The following CYP4B1 variants were observed in gnomAD, a reference collection of about 807,000 sequenced individuals.
CYP4B1 encodes cytochrome P450 family 4 subfamily B member 1, also known as cytochrome P450 4B1.
In CYP4B1, 45 loss-of-function variants were observed where a neutral mutation model predicts 54.0. The observed-to-expected ratio is 0.83, with a 90% CI of 0.66 to 1.07. The LOEUF (loss-of-function observed/expected upper bound fraction) is 1.07. Among genes scored for constraint, CYP4B1 ranks in the 50% least tolerant of loss-of-function variants. The pLI is 0.00. For synonymous variants in CYP4B1, 248 were observed against 247.5 expected (o/e 1.00, Z -0.02); for missense variants, 656 against 655.4 (o/e 1.00, Z -0.01).
At chr1:46,804,668 T>C (rs570785350) in intron 1 of CYP4B1, among the ~76,000 whole-genome samples, 2 of 152,180 alleles carry the variant, frequency 1.3e-5, no homozygotes, top group Admixed American at 1.3e-4. Flanking sequence ...CCTTCAGGTC[T>C]GCCAGCTGAC....
chr1:46,807,636 T>C (rs886940506), intron 1 of CYP4B1, among the ~76,000 whole-genome samples: 2 of 152,232 alleles, frequency 1.3e-5, no homozygotes, highest in Non-Finnish European at 2.9e-5. Context: ...CTTTTTGACA[T>C]CGTGTACTCA....
Position 46,813,592 on chromosome 1 carries a change from C to T in CYP4B1, c.606C>T (p.Thr202=), listed in dbSNP as rs750362586. ...AGTGCACCTTTGGAAGAGGAGACAC[C>T]GGCCTGGGCCACAGGTCAGGAGCCA... ...LMKCTFGRGD[T]GLGHSRDSSY... The change falls in exon 5 of 12, where the codon ACC becomes ACT. Residue 202 remains threonine (T), a synonymous_variant. Transcript: ENST00000371923. The T allele has an allele frequency of 2.2e-5, 35 of 1,613,864 alleles. No homozygotes were observed. Among genetic ancestry groups the T allele is most frequent in the East Asian group, 8.9e-5 (4 of 44,878 alleles).
chr1:46,808,214 C>T (rs932412976), intron 1 of CYP4B1, among the ~76,000 whole-genome samples: 10 of 152,204 alleles, frequency 6.6e-5, no homozygotes, highest in Admixed American at 2.6e-4. Context: ...CCTGAGGAAT[C>T]GCCACACTGA....
chr1:46,802,653 A>G (rs1321880333), intron 1 of CYP4B1, among the ~76,000 whole-genome samples: 2 of 152,230 alleles, frequency 1.3e-5, no homozygotes, highest in African/African-American at 2.4e-5. Flanking sequence ...CTAAGCAACC[A>G]GCAGTGTCTG....
intron 2 of CYP4B1, 70 bp from the exon 3 acceptor site, chr1:46,811,070 A>T: frequency 3.7e-6 from 6 of 1,605,278 alleles, no homozygotes; most frequent in South Asian, 3.3e-5. Flanking sequence ...TGAGGTTCCC[A>T]CCCTACTCAT....
intron 3 of CYP4B1, 169 bp from the exon 4 acceptor site, chr1:46,812,327 C>T: frequency 1.3e-6 from 1 of 751,828 alleles, no homozygotes; most frequent in Admixed American, 2.0e-5. Context: ...CCACCTGTCT[C>T]CTGAGGTCCT....
chr1:46,818,236 AG>A (rs1679418838), intron 11 of CYP4B1, 23 bp downstream of exon 11: 3 of 1,605,034 alleles, frequency 1.9e-6, no homozygotes, highest in African/African-American at 1.3e-5. Flanking sequence ...CCAGTATCCC[AG>A]GCCCTCAGGA....
intron 1 of CYP4B1, among the ~76,000 whole-genome samples, chr1:46,805,915 G>A (rs1354982021): frequency 6.6e-6 from 1 of 152,128 alleles, no homozygotes; most frequent in African/African-American, 2.4e-5. Context: ...GGCACCTAAG[G>A]GTGTCCATCC....
chr1:46,814,998 C>A, intron 7 of CYP4B1, 76 bp from the exon 8 acceptor site: 1 of 1,356,914 alleles, frequency 7.4e-7, no homozygotes, highest in South Asian at 1.2e-5. Flanking sequence ...CTTCATTTGA[C>A]AACCACCATT....
intron 4 of CYP4B1, 50 bp from the exon 5 acceptor site, chr1:46,813,432 C>A: frequency 6.2e-7 from 1 of 1,612,866 alleles, no homozygotes; most frequent in Non-Finnish European, 8.5e-7. Context: ...TCCAGCCCAA[C>A]TAACCCCTGC....
chr1:46,817,238 C>T, intron 9 of CYP4B1, 57 bp downstream of exon 9: 2 of 1,601,406 alleles, frequency 1.2e-6, no homozygotes, highest in Admixed American at 1.7e-5. Flanking sequence ...CTCTGGCACC[C>T]TCTGTGCCTT....
At position 46,799,105 on chromosome 1, in the gene CYP4B1, G is replaced by A. The variant is rs769906289; in HGVS notation, c.24G>A (p.Leu8=). 11 of 1,614,044 alleles carry A rather than the reference G, an allele frequency of 6.8e-6. No individual in the cohort carries two copies. The highest frequency in any genetic ancestry group is 9.3e-6 in the Non-Finnish European group (11 of 1,179,990). The change falls in exon 1 of 12, where the codon CTG becomes CTA. Residue 8 remains leucine (L), a synonymous_variant. Transcript: ENST00000371923. MVPSFLS[L]SFSSLGLWAS... ...CCATGGTGCCCAGCTTCCTCTCCCT[G>A]AGCTTCTCCTCCTTGGGCCTGTGGG...
chr1:46,813,848 T>C, intron 5 of CYP4B1, 61 bp from the exon 6 acceptor site: 2 of 1,583,514 alleles, frequency 1.3e-6, no homozygotes, highest in South Asian at 2.3e-5. Flanking sequence ...GGAATGGAGT[T>C]TCTCTGGCTC....
In CYP4B1 at chr1:46,818,812, T is replaced by C; in HGVS notation, c.1537T>C (p.Ter513GlnextTer2). ...LKPLGPGSGK[*>Q] ...GCCACTGGGCCCTGGGTCTGGGAAG[T>C]AGCTCTGATGAGAATGGGGTCCCAG... The change falls in exon 12 of 12, where the codon TAG becomes CAG. Residue 513 changes from the stop codon to glutamine (Q), a stop_lost. Transcript: ENST00000371923. 1 of 1,614,076 alleles carries C rather than the reference T, an allele frequency of 6.2e-7. No individual in the cohort carries two copies. The highest frequency in any genetic ancestry group is 8.5e-7 in the Non-Finnish European group (1 of 1,179,976).
rs1475950256 is a variant in CYP4B1, at chr1:46,799,144, C to T, written c.63C>T (p.Ile21=). The T allele has an allele frequency of 3.7e-6, 6 of 1,613,798 alleles. No individual in the cohort carries two copies. Among genetic ancestry groups the T allele is most frequent in the Non-Finnish European group, 5.1e-6 (6 of 1,179,952 alleles). Residue 21 remains isoleucine, a synonymous_variant, in exon 1 of 12, where the codon ATC becomes ATT. Coordinates refer to ENST00000371923, the MANE Select transcript of CYP4B1 (RefSeq NM_001099772.2). ...SSLGLWASGL[I]LVLGFLKLIH... is the part of the protein sequence containing the mutation. Reference sequence around the variant, plus strand: ...TGGGCCTGTGGGCTTCTGGGCTGATCTTGGTCTTAGGCTTTCTCAAGCTCA... The same window carrying T: ...TGGGCCTGTGGGCTTCTGGGCTGATTTTGGTCTTAGGCTTTCTCAAGCTCA...
intron 1 of CYP4B1, among the ~76,000 whole-genome samples, chr1:46,802,712 T>A (rs1678707887): frequency 6.6e-6 from 1 of 152,138 alleles, no homozygotes; most frequent in South Asian, 2.1e-4. Flanking sequence ...GGATGAAGAA[T>A]CAAGACAAAG....
intron 1 of CYP4B1, among the ~76,000 whole-genome samples, chr1:46,802,024 A>G (rs185919996): frequency 9.2e-5 from 14 of 152,216 alleles, no homozygotes; most frequent in African/African-American, 3.4e-4. Flanking sequence ...CATCCTCCTC[A>G]ATTCTCAGAA....
At chr1:46,807,978 A>T (rs956911477) in intron 1 of CYP4B1, among the ~76,000 whole-genome samples, 2 of 152,176 alleles carry the variant, frequency 1.3e-5, no homozygotes, top group Non-Finnish European at 2.9e-5. Flanking sequence ...ACTGGGTAAA[A>T]GGTTTATTTG....
In CYP4B1 at chr1:46,799,190, CA is replaced by C; in HGVS notation, c.110del (p.Gln37ArgfsTer56). 1 of 1,610,620 alleles carries C rather than the reference CA, an allele frequency of 6.2e-7. No homozygotes were observed. The highest frequency in any genetic ancestry group is 1.7e-4 in the Middle Eastern group (1 of 6,060). ...LKLIHLLLRR[Q>X]TLAKAMDKFP... ...GCTCATCCACCTGCTGCTGCGGAGG[CA>C]GACGTTGGCTAAGGCTATGGACAAA... On this transcript the variant is annotated frameshift_variant, in exon 1 of 12. Coordinates refer to ENST00000371923, the MANE Select transcript of CYP4B1 (RefSeq NM_001099772.2). LOFTEE classifies it high-confidence loss of function.
Sources: gnomAD v4.1 joint callset for allele counts (sites outside exome capture counted in the v4.1 genomes callset) on GRCh38, gnomAD v4.1.1 for gene constraint, MANE v1.5 for transcripts, NCBI Gene and HGNC (gene_info 2026-07-23, HGNC 2026-07-21) for gene names.